CNTN5: variants seen among roughly 807,000 people sequenced by gnomAD.
The protein encoded by CNTN5 is contactin-5.
CNTN5 carries 77 observed loss-of-function variants against 129.1 expected under a neutral mutation model. That is an observed-to-expected ratio of 0.60 (90% CI 0.50 to 0.72). The LOEUF is 0.72. CNTN5 is among the 30% of genes least tolerant of loss of function. CNTN5 has a pLI of 0.00. For missense variants in CNTN5, 1,478 were observed against 1,328.8 expected, an observed-to-expected ratio of 1.11 and a Z score of -1.75; for synonymous variants, 509 against 465.6, an observed-to-expected ratio of 1.09 and a Z score of -1.20.
chr11:100,272,148 T>C (rs747476427), intron 18 of CNTN5, among the ~76,000 whole-genome samples: 3 of 152,156 alleles, frequency 2.0e-5, no homozygotes, highest in African/African-American at 7.2e-5. Context: ...TGATAATATA[T>C]GAGTCTCAAA....
At chr11:99,119,549 C>T (rs60141729) in intron 1 of CNTN5, among the ~76,000 whole-genome samples, 38,798 of 151,960 alleles carry the variant, frequency 0.26, 5,503 homozygotes, top group East Asian at 0.41. Context: ...TATGGGCATT[C>T]AGTTTGATTC....
chr11:99,723,683 T>G (rs1943245361), intron 3 of CNTN5, among the ~76,000 whole-genome samples: 2 of 152,154 alleles, frequency 1.3e-5, no homozygotes, highest in Admixed American at 1.3e-4. Flanking sequence ...CAATGTTATT[T>G]TCTATTTTGT....
chr11:99,351,073 C>A (rs185749273), intron 2 of CNTN5, among the ~76,000 whole-genome samples: 13 of 151,934 alleles, frequency 8.6e-5, no homozygotes, highest in African/African-American at 2.4e-4. Context: ...ATGTAGGTGA[C>A]GGGTTGATGG....
chr11:99,145,727 C>G, intron 1 of CNTN5, among the ~76,000 whole-genome samples: 1 of 152,058 alleles, frequency 6.6e-6, no homozygotes. Flanking sequence ...TACTCTTCCA[C>G]AAATGATGGT....
At chr11:99,825,398 T>C (rs1283646890) in intron 4 of CNTN5, among the ~76,000 whole-genome samples, 1 of 152,042 alleles carries the variant, frequency 6.6e-6, no homozygotes. Context: ...ATAATTTTGT[T>C]GTTTCAAACA....
chr11:99,304,999 A>G (rs1215828985), intron 1 of CNTN5, among the ~76,000 whole-genome samples: 2 of 152,198 alleles, frequency 1.3e-5, no homozygotes, highest in Non-Finnish European at 2.9e-5. Context: ...GATATTTTAG[A>G]TATTACTTGA....
At chr11:99,451,075 G>A (rs998255516) in intron 2 of CNTN5, among the ~76,000 whole-genome samples, 3 of 152,052 alleles carry the variant, frequency 2.0e-5, no homozygotes, top group Non-Finnish European at 4.4e-5. Context: ...TCAAAGTAGG[G>A]TTAATTTATG....
intron 3 of CNTN5, among the ~76,000 whole-genome samples, chr11:99,753,119 CTTTTTTTTT>C (rs375324214): frequency 1.2e-4 from 11 of 93,080 alleles, no homozygotes; most frequent in African/African-American, 4.3e-4. Flanking sequence ...GCCATATTTG[CTTTTTTTTT>C]TTTTTTTTTT....
intron 1 of CNTN5, among the ~76,000 whole-genome samples, chr11:99,262,282 A>G (rs1406030671): frequency 1.3e-5 from 2 of 152,102 alleles, no homozygotes; most frequent in African/African-American, 2.4e-5. Flanking sequence ...ATGATGAATG[A>G]ATAAAACAAT....
intron 13 of CNTN5, among the ~76,000 whole-genome samples, chr11:100,174,534 GA>G (rs1947907318): frequency 6.6e-6 from 1 of 152,090 alleles, no homozygotes; most frequent in African/African-American, 2.4e-5. Flanking sequence ...ATTGAAATGA[GA>G]AGCCAATTTG....
intron 2 of CNTN5, among the ~76,000 whole-genome samples, chr11:99,457,549 C>T (rs768007537): frequency 4.3e-4 from 65 of 151,646 alleles, no homozygotes; most frequent in Admixed American, 7.2e-4. Flanking sequence ...GTATTATTTC[C>T]CCTAAAAGTT....
chr11:99,877,129 AT>A (rs1007666892), intron 6 of CNTN5, among the ~76,000 whole-genome samples: 30 of 152,300 alleles, frequency 2.0e-4, no homozygotes, highest in Admixed American at 1.2e-3. Flanking sequence ...ATTAATATGG[AT>A]TTTTAATACC....
At chr11:99,362,122 A>G (rs1164483877) in intron 2 of CNTN5, among the ~76,000 whole-genome samples, 1 of 152,042 alleles carries the variant, frequency 6.6e-6, no homozygotes, top group African/African-American at 2.4e-5. Flanking sequence ...TCTATTCCTA[A>G]TAACACATGT....
chr11:99,790,207 G>A (rs1056280665), intron 3 of CNTN5, among the ~76,000 whole-genome samples: 1 of 151,962 alleles, frequency 6.6e-6, no homozygotes, highest in Non-Finnish European at 1.5e-5. Context: ...AGGTTCAGGG[G>A]TACATGTGCA....
At chr11:99,281,558 C>T (rs550436258) in intron 1 of CNTN5, among the ~76,000 whole-genome samples, 3 of 152,056 alleles carry the variant, frequency 2.0e-5, no homozygotes, top group East Asian at 3.9e-4. Context: ...TTAAATATTT[C>T]TCCCTGGGTC....
In CNTN5 at chr11:99,107,789, G is replaced by T. The variant is rs376849452; in HGVS notation, c.-210+86519G>T. Among the ~76,000 whole-genome samples, 199 of 151,762 alleles carry T rather than the reference G, an allele frequency of 1.3e-3. 1 individual carries two copies. The highest frequency in any genetic ancestry group is 4.6e-3 in the African/African-American group (191 of 41,414). On this transcript the variant is annotated intron_variant, in intron 1 of 24. Coordinates refer to ENST00000524871, the MANE Select transcript of CNTN5 (RefSeq NM_014361.4). ...TACTAAAAATACAAAAAATTAGCCG[G>T]GCATGGTGGCACGCACCTGTAGCTC... is the stretch of plus-strand genomic sequence containing the variant.
intron 9 of CNTN5, among the ~76,000 whole-genome samples, chr11:100,026,956 A>T (rs946340232): frequency 1.3e-5 from 2 of 152,120 alleles, no homozygotes; most frequent in Admixed American, 6.6e-5. Context: ...TATCAAAACC[A>T]AGATCATCTT....
At chr11:99,787,411 A>C (rs1179325820) in intron 3 of CNTN5, among the ~76,000 whole-genome samples, 2 of 151,680 alleles carry the variant, frequency 1.3e-5, no homozygotes, top group African/African-American at 2.4e-5. Context: ...ATTTTTTAAA[A>C]CATTACTTAT....
At chr11:99,745,978 C>T (rs1273455200) in intron 3 of CNTN5, among the ~76,000 whole-genome samples, 1 of 152,078 alleles carries the variant, frequency 6.6e-6, no homozygotes, top group Non-Finnish European at 1.5e-5. Context: ...CAAATATGTT[C>T]AGGGAAGTAT....
Sources: allele counts gnomAD v4.1 joint callset (sites outside exome capture counted in the v4.1 genomes callset), GRCh38; gene constraint gnomAD v4.1.1; transcripts MANE v1.5; gene names NCBI Gene and HGNC (gene_info 2026-07-23, HGNC 2026-07-21).